GRK1: variants seen among roughly 807,000 people sequenced by gnomAD.
The protein encoded by GRK1 is rhodopsin kinase GRK1.
A neutral mutation model predicts 41.7 loss-of-function variants in GRK1; 28 were observed. The observed-to-expected ratio is 0.67, with a 90% CI of 0.50 to 0.92. The LOEUF (loss-of-function observed/expected upper bound fraction) is 0.92, where lower values mean the gene tolerates loss of function less well. Among genes scored for constraint, GRK1 ranks in the 40% least tolerant of loss-of-function variants. GRK1 has a pLI of 0.00. For synonymous variants in GRK1, 327 were observed against 286.7 expected, an observed-to-expected ratio of 1.14 and a Z score of -1.42; for missense variants, 703 against 671.2, an observed-to-expected ratio of 1.05 and a Z score of -0.52.
At chr13:113,729,989 C>T (rs1423921017) in intron 4 of GRK1, among the ~76,000 whole-genome samples, 19 of 146,686 alleles carry the variant, frequency 1.3e-4, no homozygotes, top group Non-Finnish European at 3.0e-5. Context: ...ACAGTCCCCA[C>T]GGCTGAGCCC....
chr13:113,728,981 C>A (rs1566697265), intron 4 of GRK1, among the ~76,000 whole-genome samples: 1 of 152,176 alleles, frequency 6.6e-6, no homozygotes, highest in Non-Finnish European at 1.5e-5. Flanking sequence ...CCGGAGGCTG[C>A]AGCCCACACT....
At chr13:113,733,737 ATG>A (rs879854132) in intron 6 of GRK1, among the ~76,000 whole-genome samples, 81 of 87,186 alleles carry the variant, frequency 9.3e-4, no homozygotes, top group Middle Eastern at 9.6e-3. Context: ...GCGCGTGTGT[ATG>A]TGTGCATACA....
rs2049996961 is a variant in GRK1 at position 113,735,447 on chromosome 13, C to T, written c.*84C>T. On this transcript the variant is annotated 3_prime_UTR_variant, in exon 7 of 7. Transcript: ENST00000335678. The stretch of plus-strand genomic sequence containing the variant: ...TGCCTCCGTGGTGCCAGCCTGGGGT[C>T]TGCTAGCAAGGGGACACGTGGTTCC... 1 of 1,389,366 alleles carries T rather than the reference C, an allele frequency of 7.2e-7. No homozygotes were observed. Among genetic ancestry groups the T allele is most frequent in the South Asian group, 1.6e-5 (1 of 64,076 alleles). The allele number at this position is 1,389,366 out of a possible 1,614,324, so 86.1% of individuals were successfully genotyped here.
chr13:113,653,345 G>A, the GRK1 span: 5 of 1,613,880 alleles, frequency 3.1e-6, no homozygotes, highest in African/African-American at 6.7e-5. Context: ...TGGAGAGTCT[G>A]TGTGAGGTCT....
At chr13:113,664,139 C>A (rs375888551), upstream of GRK1, among the ~76,000 whole-genome samples, 2 of 152,088 alleles carry the variant, frequency 1.3e-5, no homozygotes, top group East Asian at 1.9e-4. This position sits in a 1 kb window ranked among gnomAD's most constrained non-coding sequence, Gnocchi z 5.4. Context: ...AAATGCAGGT[C>A]CTGAAAGGCT....
At chr13:113,654,599 G>A in the GRK1 span, among the ~76,000 whole-genome samples, 67,129 of 152,188 alleles carry the variant, frequency 0.44, 15,909 homozygotes, top group East Asian at 0.63. Flanking sequence ...CTAAGGGGCC[G>A]CTTATGCCTT....
chr13:113,733,674 TGTGTGC>T (rs1566699608), intron 6 of GRK1, among the ~76,000 whole-genome samples: 2 of 131,152 alleles, frequency 1.5e-5, no homozygotes, highest in Non-Finnish European at 3.1e-5. Context: ...TGTGTGCACG[TGTGTGC>T]ATGTATGTGT....
intron 2 of GRK1, 59 bp downstream of exon 2, chr13:113,669,873 C>T: frequency 6.3e-7 from 1 of 1,599,992 alleles, no homozygotes. Flanking sequence ...TCAGGGTTTC[C>T]AGGGCCCGGG....
chr13:113,671,155 G>C lies in GRK1; in HGVS notation c.828-344G>C, dbSNP rs2049854162. 6.6e-6 allele frequency among the ~76,000 whole-genome samples: 1 copy of C among 152,218 alleles called. No individual in the cohort carries two copies. Among genetic ancestry groups the C allele is most frequent in the African/African-American group, 2.4e-5 (1 of 41,454 alleles). ...TCTTTCATGAGTCTGATGAACTTGG[G>C]GCCTGCGGAGCTGCATCCCACCTCG... On this transcript the variant is annotated intron_variant, in intron 2 of 6. Transcript: ENST00000335678. The surrounding 1 kb of genome is among the most constrained non-coding windows in gnomAD (Gnocchi z 4.1).
intron 4 of GRK1, among the ~76,000 whole-genome samples, chr13:113,727,639 GAGT>G (rs1488685009): frequency 4.8e-5 from 7 of 146,682 alleles, no homozygotes; most frequent in Non-Finnish European, 4.5e-5. Context: ...TGGCGATGAG[GAGT>G]ACCCATGGCG....
At position 113,671,795 on chromosome 13, in the gene GRK1, G is replaced by T. The variant is rs2049859908; in HGVS notation, c.985+139G>T. ...GTTCATGAGGGCTGACGGCTTCGTG[G>T]ACGGTGGAGGTGTCATCGGGCACCA... On this transcript the variant is annotated intron_variant, in intron 3 of 6. Transcript: ENST00000335678. This position sits in a 1 kb window ranked among gnomAD's most constrained non-coding sequence, Gnocchi z 4.1. 1.5e-6 allele frequency: 1 copy of T among 658,406 alleles called. No individual in the cohort carries two copies. Among genetic ancestry groups the T allele is most frequent in the African/African-American group, 1.8e-5 (1 of 56,288 alleles). The allele number at this position is 658,406 out of a possible 1,614,324, so 40.8% of individuals were successfully genotyped here.
In GRK1 at chr13:113,668,091, C is replaced by A; in HGVS notation, c.699+6C>A. 1 of 1,596,144 alleles carries A rather than the reference C, an allele frequency of 6.3e-7. No homozygotes were observed. The highest frequency in any genetic ancestry group is 1.1e-5 in the South Asian group (1 of 88,676). On this transcript the variant is annotated splice_donor_region_variant and intron_variant, in intron 1 of 6. Transcript: ENST00000335678. ...AGAAGAGGAAGGGCTACCAGGTGAG[C>A]AGCGCGACCCGGCCAGCAGGGATGG...
At chr13:113,657,926 TCTCA>T in the GRK1 span, 12 of 894,050 alleles carry the variant, frequency 1.3e-5, no homozygotes, top group Non-Finnish European at 2.0e-5. Context: ...AGCATCGGGG[TCTCA>T]CTGTCAGGGG....
In GRK1 at chr13:113,667,693, C is replaced by G. The variant is rs907639221; in HGVS notation, c.307C>G (p.Gln103Glu). Residue 103 changes from glutamine (Q) to glutamate (E), a missense_variant, in exon 1 of 7, where the codon CAG becomes GAG. Transcript: ENST00000335678. The surrounding 1 kb of genome is among the most constrained non-coding windows in gnomAD (Gnocchi z 7.5). ...EDYDTADNDL[Q>E]PQKAQTILAQ... ...CTATGACACGGCAGACAATGACCTC[C>G]AGCCACAGAAGGCCCAGACCATCCT... The G allele has an allele frequency of 6.2e-7, 1 of 1,613,788 alleles. No homozygotes were observed.
the GRK1 span, chr13:113,650,488 C>T: frequency 6.2e-7 from 1 of 1,612,822 alleles, no homozygotes; most frequent in Non-Finnish European, 8.5e-7. This position sits in a 1 kb window ranked among gnomAD's most constrained non-coding sequence, Gnocchi z 5.0. Flanking sequence ...CAGCGGCTGG[C>T]CGAGCTCGCG....
Position 113,729,574 on chromosome 13 carries a change from C to G in GRK1, c.1070-1645C>G, listed in dbSNP as rs141760121. The stretch of plus-strand genomic sequence containing the variant: ...GGAGCCGGCAGCTGACACAAGGAAG[C>G]AGAATGCTAAGCTGCTGCCAGAGCC... On this transcript the variant is annotated intron_variant, in intron 4 of 6. Transcript: ENST00000335678. Among the ~76,000 whole-genome samples the G allele has an allele frequency of 6.8e-3, 1,042 of 152,340 alleles. 12 individuals carry two copies. Among genetic ancestry groups the G allele is most frequent in the African/African-American group, 0.023 (972 of 41,576 alleles).
In GRK1 at chr13:113,671,192, G is replaced by T. The variant is rs557747381; in HGVS notation, c.828-307G>T. On this transcript the variant is annotated intron_variant, in intron 2 of 6. Transcript: ENST00000335678. The surrounding 1 kb of genome is among the most constrained non-coding windows in gnomAD (Gnocchi z 4.1). ...TGCATCCCACCTCGGCCTCGGCCTGGCCCCTTCCTGAGACGGTCTGGGCTG... is the reference window on the plus strand; with the variant it reads ...TGCATCCCACCTCGGCCTCGGCCTGTCCCCTTCCTGAGACGGTCTGGGCTG... Among the ~76,000 whole-genome samples the T allele has an allele frequency of 9.2e-5, 14 of 152,314 alleles. No homozygotes were observed. Among genetic ancestry groups the T allele is most frequent in the African/African-American group, 3.4e-4 (14 of 41,576 alleles).
upstream of GRK1, among the ~76,000 whole-genome samples, chr13:113,664,951 T>C (rs916408184): frequency 1.3e-5 from 2 of 152,188 alleles, no homozygotes; most frequent in Non-Finnish European, 2.9e-5. The surrounding 1 kb of genome is among the most constrained non-coding windows in gnomAD (Gnocchi z 5.4). Context: ...TGGTGAACGA[T>C]GGGATATCAC....
chr13:113,652,642 G>A, the GRK1 span: 1 of 629,790 alleles, frequency 1.6e-6, no homozygotes, highest in Non-Finnish European at 2.9e-6. Context: ...GTTTCCACAT[G>A]TTTTAGAGGG....
Sources: gnomAD v4.1 joint callset for allele counts (sites outside exome capture counted in the v4.1 genomes callset) on GRCh38, gnomAD v4.1.1 for gene constraint, Gnocchi (gnomAD v3.1) non-coding constraint, MANE v1.5 for transcripts, NCBI Gene and HGNC (gene_info 2026-07-23, HGNC 2026-07-21) for gene names.